The following TAF1 variants were observed in gnomAD, a reference collection of about 807,000 sequenced individuals.
The protein encoded by TAF1 is transcription initiation factor TFIID subunit 1.
Under a neutral mutation model 138.5 loss-of-function variants are expected in TAF1, and 2 were observed. That is an observed-to-expected ratio of 0.01 (90% confidence interval 0.01 to 0.05). The LOEUF (loss-of-function observed/expected upper bound fraction) is 0.05. Among genes scored for constraint, TAF1 ranks in the 10% least tolerant of loss-of-function variants. The pLI, the probability that TAF1 is intolerant of heterozygous loss-of-function variation, is 1.00. For synonymous variants in TAF1, 437 were observed against 503.2 expected, an observed-to-expected ratio of 0.87 and a Z score of 1.76; for missense variants, 709 against 1,478.0, an observed-to-expected ratio of 0.48 and a Z score of 8.53.
intron 4 of TAF1, 93 bp downstream of exon 4, chrX:71,375,379 A>G: frequency 9.7e-7 from 1 of 1,034,864 alleles, no homozygotes; most frequent in Non-Finnish European, 1.3e-6. Flanking sequence ...ACTTAAGCTT[A>G]TATGAAGGGA....
Position 71,394,048 on chromosome X carries a change from T to G in TAF1, c.3228-19T>G. 8.4e-7 allele frequency: 1 copy of G among 1,186,667 alleles called. No homozygotes were observed. Among genetic ancestry groups the G allele is most frequent in the Non-Finnish European group, 1.1e-6 (1 of 884,571 alleles). On this transcript the variant is annotated intron_variant, in intron 21 of 37. Transcript: ENST00000423759. ...ATATTTCTTTAGTTCTTTCTGCACA[T>G]TGCTTTTTCTCTTTTTAGGGTTCTG...
At chrX:71,455,328 A>G (rs975721621) in intron 34 of TAF1, among the ~76,000 whole-genome samples, 2 of 111,798 alleles carry the variant, frequency 1.8e-5, no homozygotes, top group African/African-American at 6.5e-5. Flanking sequence ...CTCCTAGTAA[A>G]TGAAGAAAGG....
In TAF1 at chrX:71,423,206, C is replaced by T. The variant is rs144458451; in HGVS notation, c.4542C>T (p.Asn1514=). The change falls in exon 30 of 38, where the codon AAC becomes AAT. Residue 1514 remains asparagine (N), a synonymous_variant. Transcript: ENST00000423759. ...DQVAFSFILD[N]IVTQKMMAVP... is the part of the protein sequence containing the mutation. ...TGGCGTTTTCTTTCATTCTGGACAA[C>T]ATTGTCACCCAGAAAATGATGGCAG... is the stretch of plus-strand genomic sequence containing the variant. 2 of 1,208,483 alleles carry T rather than the reference C, an allele frequency of 1.7e-6. No homozygotes were observed. Among genetic ancestry groups the T allele is most frequent in the Non-Finnish European group, 1.1e-6 (1 of 894,548 alleles).
chrX:71,397,488 C>T (rs2034917954), intron 23 of TAF1, 22 bp downstream of exon 23: 1 of 1,207,786 alleles, frequency 8.3e-7, no homozygotes, highest in African/African-American at 1.7e-5. Context: ...TTACCACTTC[C>T]TTTTTTTTCT....
intron 3 of TAF1, among the ~76,000 whole-genome samples, chrX:71,373,402 A>G (rs1031201305): frequency 1.9e-5 from 2 of 107,036 alleles, no homozygotes; most frequent in African/African-American, 6.9e-5. Context: ...TCCTGAGCTC[A>G]GGCAATCCGC....
intron 32 of TAF1, among the ~76,000 whole-genome samples, chrX:71,427,654 T>C (rs1216891394): frequency 8.9e-6 from 1 of 111,855 alleles, no homozygotes; most frequent in Non-Finnish European, 1.9e-5. Flanking sequence ...AGAAATGCAA[T>C]TGGGCCAGGC....
chrX:71,407,740 A>G (rs1011528700), intron 27 of TAF1, 68 bp downstream of exon 27: 27 of 1,077,622 alleles, frequency 2.5e-5, no homozygotes, highest in Non-Finnish European at 3.2e-5. Context: ...GTGATTTCCA[A>G]TAGAGGGCAG....
intron 18 of TAF1, among the ~76,000 whole-genome samples, chrX:71,390,215 T>G (rs767523298): frequency 2.9e-4 from 32 of 111,868 alleles, no homozygotes; most frequent in Non-Finnish European, 5.5e-4. Flanking sequence ...TTGACCTGAT[T>G]TATAAGACTT....
chrX:71,460,752 A>G lies in TAF1; in HGVS notation c.5348A>G (p.Tyr1783Cys), dbSNP rs775654131. The G allele has an allele frequency of 5.8e-6, 7 of 1,202,066 alleles. No individual in the cohort carries two copies. The highest frequency in any genetic ancestry group is 7.9e-6 in the Non-Finnish European group (7 of 890,844). The change falls in exon 37 of 38, where the codon TAT (tyrosine) becomes TGT (cysteine). Residue 1783 changes from tyrosine (Y) to cysteine (C), a missense_variant. Around this residue, in one of 14 missense-constraint regions of TAF1, gnomAD observed 123 missense variants for 174.7 expected, o/e 0.70. Transcript: ENST00000423759. ...DMENEESMMS[Y>C]EGDGGEASHG... ...GAAAATGAAGAAAGCATGATGTCCT[A>G]TGAGGGAGACGGTGGGGAGGCTTCC... is the stretch of plus-strand genomic sequence containing the variant.
intron 32 of TAF1, among the ~76,000 whole-genome samples, chrX:71,433,191 A>G (rs2036975670): frequency 1.8e-5 from 2 of 112,482 alleles, no homozygotes; most frequent in South Asian, 7.3e-4. Context: ...TTTTCAGTAG[A>G]TAGCATTCTG....
chrX:71,451,819 A>G (rs1602719993), intron 32 of TAF1, among the ~76,000 whole-genome samples: 1 of 111,666 alleles, frequency 9.0e-6, no homozygotes, highest in Non-Finnish European at 1.9e-5. Flanking sequence ...ACAGGATCCC[A>G]AGGCAGAAGA....
At chrX:71,390,629 A>G (rs1056867976) in intron 18 of TAF1, among the ~76,000 whole-genome samples, 3 of 111,297 alleles carry the variant, frequency 2.7e-5, no homozygotes, top group Non-Finnish European at 3.8e-5. Flanking sequence ...CAGTCCTTCT[A>G]TCTCAGCCTC....
rs778817959 is a variant in TAF1, at chrX:71,393,013, A to AAT, written c.3051+20_3051+21dup. 2.5e-6 allele frequency: 3 copies of AAT among 1,210,300 alleles called. No homozygotes were observed. The highest frequency in any genetic ancestry group is 3.4e-6 in the Non-Finnish European group (3 of 894,762). On this transcript the variant is annotated intron_variant, in intron 20 of 37. Transcript: ENST00000423759. ...GGAAGAGGTGAGTGTGGAAGTGGAA[A>AAT]ATTTAGAGTATACTAGGGGCTTTGT...
intron 18 of TAF1, among the ~76,000 whole-genome samples, chrX:71,392,183 A>T (rs1261639480): frequency 8.9e-6 from 1 of 112,109 alleles, no homozygotes; most frequent in African/African-American, 3.2e-5. Context: ...CAATTGGACA[A>T]TCAAATGTAG....
chrX:71,409,893 CTTTTTA>C lies in TAF1; in HGVS notation c.4384+1748_4384+1753del, dbSNP rs767245991. On this transcript the variant is annotated intron_variant, in intron 28 of 37. Coordinates refer to ENST00000423759, the MANE Select transcript of TAF1 (RefSeq NM_004606.5). ...ATTTCCAGACCAACTCATATTACCT[CTTTTTA>C]TTTTTTTTTTTGAGATGGAATCTTG... is the stretch of plus-strand genomic sequence containing the variant. Among the ~76,000 whole-genome samples the C allele has an allele frequency of 2.0e-3, 217 of 110,397 alleles. 1 individual carries two copies. Among genetic ancestry groups the C allele is most frequent in the African/African-American group, 6.7e-3 (204 of 30,435 alleles).
At chrX:71,489,169 GT>G (rs1168372574) in intron 13 of TAF1, among the ~76,000 whole-genome samples, 1 of 109,925 alleles carries the variant, frequency 9.1e-6, no homozygotes, top group East Asian at 2.8e-4. Flanking sequence ...GGAAACCATT[GT>G]TTTATATAGT....
At chrX:71,413,390 G>A (rs2035896078) in intron 28 of TAF1, among the ~76,000 whole-genome samples, 1 of 111,720 alleles carries the variant, frequency 9.0e-6, no homozygotes, top group Admixed American at 9.6e-5. Flanking sequence ...CCTAGTGGGT[G>A]TAAAGTGGTA....
At chrX:71,523,075 A>G (rs1172426943) in intron 13 of TAF1, among the ~76,000 whole-genome samples, 1 of 105,576 alleles carries the variant, frequency 9.5e-6, no homozygotes, top group African/African-American at 3.5e-5. Context: ...CCCACCACTC[A>G]GGAGGCTGAG....
intron 29 of TAF1, among the ~76,000 whole-genome samples, chrX:71,421,930 A>ATTG (rs2036364914): frequency 1.8e-5 from 2 of 112,288 alleles, no homozygotes; most frequent in African/African-American, 6.5e-5. Flanking sequence ...TTGATTGATT[A>ATTG]TTGAGGAGAT....
Sources: gnomAD v4.1 joint callset for allele counts (sites outside exome capture counted in the v4.1 genomes callset) on GRCh38, gnomAD v4.1.1 for gene constraint, gnomAD v4.1.1 regional missense constraint, MANE v1.5 for transcripts, NCBI Gene and HGNC (gene_info 2026-07-23, HGNC 2026-07-21) for gene names.